The following UNC79 variants were observed in gnomAD, a reference collection of about 807,000 sequenced individuals.
The protein encoded by UNC79 is protein unc-79 homolog.
Under a neutral mutation model 283.1 loss-of-function variants are expected in UNC79, and 37 were observed. The ratio of observed to expected loss-of-function variants is 0.13; its 90% confidence interval spans 0.10 to 0.17. The LOEUF (loss-of-function observed/expected upper bound fraction) is 0.17, where lower values mean the gene tolerates loss of function less well. UNC79 is among the 10% of genes least tolerant of loss of function. UNC79 has a pLI of 1.00. For missense variants in UNC79, 2,272 were observed against 3,211.1 expected, an observed-to-expected ratio of 0.71 and a Z score of 7.07; for synonymous variants, 1,107 against 1,200.2, an observed-to-expected ratio of 0.92 and a Z score of 1.61.
At chr14:93,383,726 T>G (rs1453914596) in intron 1 of UNC79, among the ~76,000 whole-genome samples, 1 of 152,078 alleles carries the variant, frequency 6.6e-6, no homozygotes, top group East Asian at 1.9e-4. Context: ...GCACGGTGGC[T>G]CACACCTGTG....
intron 40 of UNC79, among the ~76,000 whole-genome samples, chr14:93,672,526 G>C (rs1441168665): frequency 6.6e-6 from 1 of 152,140 alleles, no homozygotes; most frequent in Non-Finnish European, 1.5e-5. Context: ...GTGTGTGTGG[G>C]GAGGATGAAG....
chr14:93,370,535 G>A (rs1353092137), intron 1 of UNC79, among the ~76,000 whole-genome samples: 4 of 152,220 alleles, frequency 2.6e-5, no homozygotes, highest in Non-Finnish European at 5.9e-5. Context: ...CACGTTGGGA[G>A]GCCAAGGTGG....
intron 33 of UNC79, among the ~76,000 whole-genome samples, chr14:93,642,744 A>T (rs966062913): frequency 2.6e-5 from 4 of 152,206 alleles, no homozygotes; most frequent in African/African-American, 9.6e-5. Context: ...ATTTGTAAGA[A>T]ATTTTTATGC....
At chr14:93,469,854 C>G (rs536774709) in intron 2 of UNC79, among the ~76,000 whole-genome samples, 1 of 152,124 alleles carries the variant, frequency 6.6e-6, no homozygotes, top group Admixed American at 6.5e-5. Context: ...TGTACTCCAG[C>G]CTGGGTGACA....
At chr14:93,455,473 G>A (rs1026196109) in intron 1 of UNC79, among the ~76,000 whole-genome samples, 13 of 152,104 alleles carry the variant, frequency 8.5e-5, no homozygotes, top group African/African-American at 9.7e-5. Flanking sequence ...GTGTGTGTGC[G>A]TGCATCTGCA....
intron 10 of UNC79, among the ~76,000 whole-genome samples, chr14:93,530,210 A>T (rs1288451900): frequency 6.6e-6 from 1 of 151,700 alleles, no homozygotes; most frequent in Non-Finnish European, 1.5e-5. Context: ...CAGGAGAATC[A>T]CTTGTAAAAT....
At chr14:93,404,996 A>G (rs750149625) in intron 1 of UNC79, among the ~76,000 whole-genome samples, 6 of 152,162 alleles carry the variant, frequency 3.9e-5, no homozygotes, top group African/African-American at 1.4e-4. Flanking sequence ...AAAATCCACA[A>G]GAAGAGTCGG....
At chr14:93,566,909 G>A (rs1386779332) in intron 14 of UNC79, among the ~76,000 whole-genome samples, 2 of 152,046 alleles carry the variant, frequency 1.3e-5, no homozygotes, top group African/African-American at 4.8e-5. Flanking sequence ...GAGCCACCAC[G>A]CTCGGCCTGG....
At chr14:93,658,041 C>T (rs777821733) in intron 38 of UNC79, among the ~76,000 whole-genome samples, 3 of 152,146 alleles carry the variant, frequency 2.0e-5, no homozygotes, top group Admixed American at 1.3e-4. Context: ...GTAAATGTCA[C>T]ATCAACTCCG....
chr14:93,667,973 C>T (rs1213882893), intron 40 of UNC79, among the ~76,000 whole-genome samples: 2 of 152,158 alleles, frequency 1.3e-5, no homozygotes, highest in African/African-American at 2.4e-5. Flanking sequence ...ATCATAAGCT[C>T]TTATCAAACT....
chr14:93,655,163 C>A, intron 37 of UNC79, 71 bp from the exon 41 acceptor site: 1 of 1,546,242 alleles, frequency 6.5e-7, no homozygotes, highest in Non-Finnish European at 8.8e-7. Context: ...TTTAAACTGA[C>A]ATTTACCAAA....
intron 1 of UNC79, among the ~76,000 whole-genome samples, chr14:93,444,338 A>G (rs575885651): frequency 6.6e-6 from 1 of 152,274 alleles, no homozygotes; most frequent in African/African-American, 2.4e-5. Flanking sequence ...TATTCTGAAT[A>G]CAAGTTCATT....
At chr14:93,497,759 G>A (rs956518290) in intron 7 of UNC79, among the ~76,000 whole-genome samples, 7 of 152,124 alleles carry the variant, frequency 4.6e-5, no homozygotes, top group African/African-American at 1.2e-4. Context: ...AGGCCAAGGC[G>A]GGCAGATCAC....
In UNC79 at chr14:93,430,935, G is replaced by T. The variant is rs1056276500; in HGVS notation, c.-95G>T. ...GGAAAGCGAGGGGGTGGGGGGTGGG[G>T]GGTATGCACTCTTTTCCTCGCAACA... On this transcript the variant is annotated 5_prime_UTR_variant, in exon 1 of 49. Transcript: ENST00000555664. This position sits in a 1 kb window ranked among gnomAD's most constrained non-coding sequence, Gnocchi z 4.6. The T allele has an allele frequency of 7.6e-6, 4 of 525,870 alleles. No individual in the cohort carries two copies. The African/African-American group carries it at 8.1e-5, about 11-fold the overall frequency. The allele number at this position is 525,870 out of a possible 1,614,324, so 32.6% of individuals were successfully genotyped here.
intron 1 of UNC79, among the ~76,000 whole-genome samples, chr14:93,454,444 T>TGTATGTAGC (rs111318017): frequency 6.6e-6 from 1 of 151,682 alleles, no homozygotes; most frequent in Non-Finnish European, 1.5e-5. Context: ...TGTATGTGTA[T>TGTATGTAGC]ACATAATTAG....
In UNC79 at chr14:93,430,830, T is replaced by C. The variant is rs1174482792; in HGVS notation, c.-200T>C. 3.9e-5 allele frequency: 19 copies of C among 481,798 alleles called. No individual in the cohort carries two copies. The highest frequency in any genetic ancestry group is 6.5e-5 in the Non-Finnish European group (17 of 262,382). The allele number at this position is 481,798 out of a possible 1,614,324, so 29.8% of individuals were successfully genotyped here. A position where few individuals can be genotyped will look rare whatever the true frequency, so the allele number is the denominator to read the frequency against. On this transcript the variant is annotated 5_prime_UTR_variant, in exon 1 of 49. Transcript: ENST00000555664. This position sits in a 1 kb window ranked among gnomAD's most constrained non-coding sequence, Gnocchi z 4.6. The stretch of plus-strand genomic sequence containing the variant: ...ATCCCACCCATTTCTCCGGGGGCGA[T>C]TTCCTAACCTTCCGGGACCGAATTC...
chr14:93,600,621 C>G, exon 25 of UNC79: 2 of 1,613,588 alleles, frequency 1.2e-6, no homozygotes, highest in East Asian at 4.5e-5. Flanking sequence ...AAAGACAGAC[C>G]CACAATTTTG....
At chr14:93,556,096 C>T (rs1034567567) in intron 14 of UNC79, among the ~76,000 whole-genome samples, 1 of 152,106 alleles carries the variant, frequency 6.6e-6, no homozygotes, top group African/African-American at 2.4e-5. Flanking sequence ...ATACTGGGTC[C>T]CCGCAAAGAG....
chr14:93,694,469 AT>A, intron 47 of UNC79, 57 bp downstream of exon 50: 1 of 1,483,840 alleles, frequency 6.7e-7, no homozygotes, highest in South Asian at 1.2e-5. Flanking sequence ...ACAAATGTGG[AT>A]TTATGTTGAA....
Sources: gnomAD v4.1 joint callset for allele counts (sites outside exome capture counted in the v4.1 genomes callset) on GRCh38, gnomAD v4.1.1 for gene constraint, Gnocchi (gnomAD v3.1) non-coding constraint, MANE v1.5 for transcripts, NCBI Gene and HGNC (gene_info 2026-07-23, HGNC 2026-07-21) for gene names.